The following ELFN1 variants were observed in gnomAD, a reference collection of about 807,000 sequenced individuals.
ELFN1 encodes protein ELFN1.
In ELFN1, 6 loss-of-function variants were observed where a neutral mutation model predicts 7.6. That is an observed-to-expected ratio of 0.79 (90% CI 0.43 to 1.56). ELFN1 has a LOEUF of 1.56. ELFN1 is among the 40% of genes most tolerant of loss of function. The pLI is 0.01. For missense variants in ELFN1, 1,169 were observed against 1,232.2 expected, an observed-to-expected ratio of 0.95 and a Z score of 0.77; for synonymous variants, 657 against 588.1, an observed-to-expected ratio of 1.12 and a Z score of -1.70.
chr7:1,715,803 C>T (rs1487298039), intron 3 of ELFN1, among the ~76,000 whole-genome samples: 4 of 152,222 alleles, frequency 2.6e-5, no homozygotes, highest in African/African-American at 9.7e-5. Context: ...TTCCCTCCTC[C>T]CCCTGGGTCA....
Position 1,747,326 on chromosome 7 carries a change from A to C in ELFN1, c.*243A>C. On this transcript the variant is annotated 3_prime_UTR_variant, in exon 4 of 4. Transcript: ENST00000424383. ...TCCACACACACACACACACACACAC[A>C]CACACACACGAGGGACTTCGGAAAA... 1 of 255,002 alleles carries C rather than the reference A, an allele frequency of 3.9e-6. No homozygotes were observed. The highest frequency in any genetic ancestry group is 7.4e-6 in the Non-Finnish European group (1 of 135,930). 15.8% of individuals were successfully genotyped at this position (255,002 alleles called of 1,614,324 possible).
chr7:1,737,223 C>G (rs1780474206), intron 3 of ELFN1, among the ~76,000 whole-genome samples: 1 of 152,204 alleles, frequency 6.6e-6, no homozygotes, highest in African/African-American at 2.4e-5. Flanking sequence ...TCTCGCACAC[C>G]TCCCTAGCCC....
At position 1,731,592 on chromosome 7, in the gene ELFN1, T is replaced by A. The variant is rs116913185; in HGVS notation, c.-293-12712T>A. ...TCACCATTATACGGGGAAACAGACA[T>A]GCACAGGGCCCATCCCAGGAAAACC... On this transcript the variant is annotated intron_variant, in intron 3 of 3. Transcript: ENST00000424383. Among the ~76,000 whole-genome samples, 679 of 152,350 alleles carry A rather than the reference T, an allele frequency of 4.5e-3. 4 individuals are homozygous for A. Among genetic ancestry groups the A allele is most frequent in the Middle Eastern group, 0.017 (5 of 294 alleles).
At position 1,745,703 on chromosome 7, in the gene ELFN1, C is replaced by T; in HGVS notation, c.1107C>T (p.Thr369=). 6.4e-7 allele frequency: 1 copy of T among 1,551,442 alleles called. No individual in the cohort carries two copies. The highest frequency in any genetic ancestry group is 2.4e-5 in the East Asian group (1 of 40,914). The change falls in exon 4 of 4, where the codon ACC becomes ACT. Residue 369 remains threonine (T), a synonymous_variant. Transcript: ENST00000424383. ...LTKAQEEIRL[T]NLFTLTNYTY... Reference sequence around the variant, plus strand: ...AGGCCCAGGAGGAGATCCGTCTGACCAACCTGTTCACGCTCACCAACTACA... The same window carrying T: ...AGGCCCAGGAGGAGATCCGTCTGACTAACCTGTTCACGCTCACCAACTACA...
chr7:1,709,795 A>G (rs1162779695), intron 3 of ELFN1, among the ~76,000 whole-genome samples: 1 of 152,250 alleles, frequency 6.6e-6, no homozygotes, highest in African/African-American at 2.4e-5. Flanking sequence ...CTCCATCCCA[A>G]TGGCTTGCCA....
chr7:1,745,729 C>T lies in ELFN1; in HGVS notation c.1133C>T (p.Thr378Ile). 1 of 1,551,466 alleles carries T rather than the reference C, an allele frequency of 6.4e-7. No individual in the cohort carries two copies. Among genetic ancestry groups the T allele is most frequent in the Non-Finnish European group, 8.7e-7 (1 of 1,147,054 alleles). Residue 378 changes from threonine (T) to isoleucine (I), a missense_variant, in exon 4 of 4, where the codon ACC (threonine) becomes ATC (isoleucine). By Grantham distance (89) the Thr-to-Ile change is moderately conservative (BLOSUM62 -1). Coordinates refer to ENST00000424383, the MANE Select transcript of ELFN1 (RefSeq NM_001128636.4). ...LTNLFTLTNY[T>I]YCVVSTSAGL... ...AACCTGTTCACGCTCACCAACTACA[C>T]CTACTGCGTGGTGTCCACCAGCGCC...
intron 3 of ELFN1, among the ~76,000 whole-genome samples, chr7:1,723,675 G>T (rs1317534518): frequency 6.6e-6 from 1 of 152,148 alleles, no homozygotes; most frequent in Admixed American, 6.5e-5. Flanking sequence ...GCTTGGGCTC[G>T]TGGGCCACGA....
intron 1 of ELFN1, among the ~76,000 whole-genome samples, chr7:1,686,311 GTT>G (rs1202953401): frequency 6.1e-5 from 7 of 113,938 alleles, no homozygotes; most frequent in Middle Eastern, 9.1e-3. Flanking sequence ...GTTTGTCCTT[GTT>G]TTTTTTTTTT....
At chr7:1,723,298 G>C (rs142629695) in intron 3 of ELFN1, among the ~76,000 whole-genome samples, 3 of 152,188 alleles carry the variant, frequency 2.0e-5, no homozygotes, top group Non-Finnish European at 4.4e-5. Flanking sequence ...GGTGTTGTGC[G>C]ACAGACCTCC....
In ELFN1 at chr7:1,695,549, A is replaced by C. The variant is rs1440487232; in HGVS notation, c.-456+7399A>C. ...TCACCTGAGGCCAGGAGTTCAAGAC[A>C]AGCCTGGCCAACATGGAGAAACCCC... On this transcript the variant is annotated intron_variant, in intron 2 of 3. Transcript: ENST00000424383. The surrounding 1 kb of genome is among the most constrained non-coding windows in gnomAD (Gnocchi z 5.1). Among the ~76,000 whole-genome samples, 1 of 151,878 alleles carries C rather than the reference A, an allele frequency of 6.6e-6. No homozygotes were observed. Among genetic ancestry groups the C allele is most frequent in the Non-Finnish European group, 1.5e-5 (1 of 67,948 alleles).
intron 1 of ELFN1, among the ~76,000 whole-genome samples, chr7:1,684,295 T>C (rs1394613133): frequency 1.3e-5 from 2 of 152,244 alleles, no homozygotes; most frequent in Admixed American, 6.5e-5. Context: ...TGAACTAAAA[T>C]GTACCCCTTC....
chr7:1,728,427 T>C (rs1006497662), intron 3 of ELFN1, among the ~76,000 whole-genome samples: 5 of 152,250 alleles, frequency 3.3e-5, no homozygotes, highest in African/African-American at 1.2e-4. Flanking sequence ...TGCGGAGGGT[T>C]TGCAGAGCTG....
chr7:1,704,708 G>T (rs1018446189), intron 2 of ELFN1, among the ~76,000 whole-genome samples: 1 of 152,074 alleles, frequency 6.6e-6, no homozygotes, highest in African/African-American at 2.4e-5. Flanking sequence ...CCCCTGCGAG[G>T]TCAGTGCCAG....
intron 2 of ELFN1, among the ~76,000 whole-genome samples, chr7:1,701,296 C>T (rs535915251): frequency 6.6e-5 from 10 of 152,252 alleles, no homozygotes; most frequent in African/African-American, 2.2e-4. Flanking sequence ...AATGATCCTC[C>T]CACCTCAGCC....
At chr7:1,687,431 C>T (rs1419858926) in intron 1 of ELFN1, among the ~76,000 whole-genome samples, 1 of 151,764 alleles carries the variant, frequency 6.6e-6, no homozygotes, top group Non-Finnish European at 1.5e-5. Context: ...ATGTAGGAAC[C>T]ATCTAGCTCA....
At chr7:1,727,331 T>C (rs1417244563) in intron 3 of ELFN1, among the ~76,000 whole-genome samples, 6 of 152,198 alleles carry the variant, frequency 3.9e-5, no homozygotes, top group African/African-American at 1.4e-4. Flanking sequence ...GATGGGGTTA[T>C]CTCCTGAGGC....
intron 2 of ELFN1, among the ~76,000 whole-genome samples, chr7:1,704,207 G>T (rs1334846620): frequency 6.6e-6 from 1 of 152,174 alleles, no homozygotes; most frequent in African/African-American, 2.4e-5. Context: ...TGGCCTCTGG[G>T]TGGGGGACCC....
At chr7:1,668,773 C>T (rs1215227145), upstream of ELFN1, among the ~76,000 whole-genome samples, 2 of 152,264 alleles carry the variant, frequency 1.3e-5, no homozygotes, top group Non-Finnish European at 2.9e-5. Flanking sequence ...TGCGGCCTGG[C>T]TCTGACCGTG....
chr7:1,713,881 G>A (rs531812955), intron 3 of ELFN1, among the ~76,000 whole-genome samples: 10 of 152,084 alleles, frequency 6.6e-5, no homozygotes, highest in African/African-American at 1.4e-4. Flanking sequence ...CCGCACGCCC[G>A]GCTCCCCTCC....
Sources: gnomAD v4.1 joint callset for allele counts (sites outside exome capture counted in the v4.1 genomes callset) on GRCh38, gnomAD v4.1.1 for gene constraint, Gnocchi (gnomAD v3.1) non-coding constraint, MANE v1.5 for transcripts, NCBI Gene and HGNC (gene_info 2026-07-23, HGNC 2026-07-21) for gene names.